Variants in NLGN1 observed in about 807,000 individuals in gnomAD.
NLGN1 encodes the protein neuroligin 1.
A neutral mutation model predicts 65.5 loss-of-function variants in NLGN1; 12 were observed. The observed-to-expected ratio is 0.18, with a 90% CI of 0.12 to 0.30. The LOEUF (loss-of-function observed/expected upper bound fraction) is 0.30, where lower values mean the gene tolerates loss of function less well. Ranked by LOEUF, NLGN1 falls within the 10% of genes least tolerant of loss-of-function variation. NLGN1 has a pLI of 1.00. For missense variants in NLGN1, 750 were observed against 1,007.1 expected (o/e 0.74, Z 3.46); for synonymous variants, 350 against 359.5 (o/e 0.97, Z 0.30).
At chr3:173,539,617 T>C (rs1560405603) in intron 2 of NLGN1, among the ~76,000 whole-genome samples, 3 of 56,600 alleles carry the variant, frequency 5.3e-5, no homozygotes, top group South Asian at 6.5e-4. Flanking sequence ...TGTTATATAT[T>C]ATATATTTAT....
intron 2 of NLGN1, among the ~76,000 whole-genome samples, chr3:173,533,998 G>A (rs1029407897): frequency 3.9e-5 from 6 of 151,974 alleles, no homozygotes; most frequent in Non-Finnish European, 8.8e-5. Context: ...AGAAAAGAAA[G>A]GCTTTGGAAC....
At chr3:173,967,098 G>C (rs1393895029) in intron 4 of NLGN1, among the ~76,000 whole-genome samples, 1 of 152,218 alleles carries the variant, frequency 6.6e-6, no homozygotes, top group East Asian at 1.9e-4. Context: ...CAAGCTCACT[G>C]AAATTCAGAT....
chr3:173,957,596 C>T (rs561811817), intron 4 of NLGN1, among the ~76,000 whole-genome samples: 7 of 152,250 alleles, frequency 4.6e-5, no homozygotes, highest in African/African-American at 9.6e-5. Context: ...ACAATCATTT[C>T]GAGAGATATC....
chr3:173,732,135 A>C (rs1444412751), intron 3 of NLGN1, among the ~76,000 whole-genome samples: 6 of 152,106 alleles, frequency 3.9e-5, no homozygotes, highest in Non-Finnish European at 2.9e-5. Flanking sequence ...TAAATGCCCC[A>C]GTAGGACATC....
chr3:173,814,759 G>A (rs914688355), intron 4 of NLGN1, among the ~76,000 whole-genome samples: 1 of 152,112 alleles, frequency 6.6e-6, no homozygotes, highest in African/African-American at 2.4e-5. Flanking sequence ...AGATATATGT[G>A]AACCTTGCTA....
At chr3:174,212,140 T>C (rs7632616) in intron 4 of NLGN1, among the ~76,000 whole-genome samples, 112,817 of 152,116 alleles carry the variant, frequency 0.74, 41,880 homozygotes, top group East Asian at 0.8. Flanking sequence ...TAAGGCCCGG[T>C]GAGAAATGGA....
chr3:173,522,726 C>T (rs1277258039), intron 2 of NLGN1, among the ~76,000 whole-genome samples: 1 of 152,162 alleles, frequency 6.6e-6, no homozygotes, highest in East Asian at 1.9e-4. Context: ...AGCCACCCTG[C>T]CTGGCCATTG....
intron 4 of NLGN1, among the ~76,000 whole-genome samples, chr3:174,041,006 A>G (rs140483199): frequency 6.6e-6 from 1 of 152,216 alleles, no homozygotes; most frequent in African/African-American, 2.4e-5. Flanking sequence ...AAATATACAT[A>G]TATATGTGTA....
intron 4 of NLGN1, among the ~76,000 whole-genome samples, chr3:173,820,199 A>C (rs1365275050): frequency 6.6e-6 from 1 of 152,038 alleles, no homozygotes; most frequent in East Asian, 1.9e-4. Flanking sequence ...AAAAAAAAAA[A>C]AAAACGAGAA....
intron 3 of NLGN1, among the ~76,000 whole-genome samples, chr3:173,682,680 C>G (rs1764115525): frequency 6.6e-6 from 1 of 151,102 alleles, no homozygotes; most frequent in Non-Finnish European, 1.5e-5. Flanking sequence ...ACCCATTATG[C>G]CTGAGGTTGG....
chr3:173,531,564 TACAC>T (rs147720926), intron 2 of NLGN1, among the ~76,000 whole-genome samples: 34 of 148,140 alleles, frequency 2.3e-4, no homozygotes, highest in African/African-American at 7.7e-4. Context: ...CTGTGTGAAA[TACAC>T]ACACACACAC....
chr3:173,492,599 A>C lies in NLGN1; in HGVS notation c.-321+57521A>C, dbSNP rs187010828. ...GTGGCTCATGCTTCTATTTAATTAA[A>C]TTATTACAAGATTAGAATACAATAA... is the stretch of plus-strand genomic sequence containing the variant. On this transcript the variant is annotated intron_variant, in intron 2 of 6. Transcript: ENST00000457714. 5.2e-4 allele frequency among the ~76,000 whole-genome samples: 79 copies of C among 152,000 alleles called. 1 individual carries two copies. In the East Asian group the frequency reaches 0.013, roughly 25 times the overall value.
rs79060922 is a variant in NLGN1, at chr3:173,585,526, C to T, written c.-320-18753C>T. 0.01 allele frequency among the ~76,000 whole-genome samples: 1,553 copies of T among 152,222 alleles called. 40 individuals carry two copies. The East Asian group carries it at 0.11, about 10-fold the overall frequency. On this transcript the variant is annotated intron_variant, in intron 2 of 6. Coordinates refer to ENST00000457714, the Ensembl canonical transcript of NLGN1. The stretch of plus-strand genomic sequence containing the variant: ...CTTCCCGCTTCCCGCTTCTCTCAAC[C>T]GGACACTAAAGGGTTACAGGGTCAC...
At chr3:173,450,107 G>C (rs945758155) in intron 2 of NLGN1, among the ~76,000 whole-genome samples, 10 of 152,166 alleles carry the variant, frequency 6.6e-5, no homozygotes, top group Admixed American at 6.5e-4. Context: ...CTGTCATTCT[G>C]ATGTTAGCTG....
chr3:173,542,292 C>T (rs568625143), intron 2 of NLGN1, among the ~76,000 whole-genome samples: 1 of 152,060 alleles, frequency 6.6e-6, no homozygotes, highest in African/African-American at 2.4e-5. Context: ...TGCAGATCTT[C>T]TCTAAATATA....
intron 3 of NLGN1, among the ~76,000 whole-genome samples, chr3:173,669,310 G>T (rs368745060): frequency 1.3e-5 from 2 of 152,230 alleles, no homozygotes; most frequent in South Asian, 4.1e-4. Context: ...CCACAAACTG[G>T]GTGGCTTAGA....
chr3:173,410,371 A>G lies in NLGN1; in HGVS notation c.-390+11884A>G, dbSNP rs111369329. On this transcript the variant is annotated intron_variant, in intron 1 of 6. Transcript: ENST00000457714. ...ATAGCCATTTATCACGTATTTCCTA[A>G]GCACTGGGTGGGACATGGTGCTAGG... 5.5e-3 allele frequency among the ~76,000 whole-genome samples: 837 copies of G among 152,330 alleles called. 15 individuals are homozygous for G. The highest frequency in any genetic ancestry group is 0.019 in the African/African-American group (787 of 41,566).
rs369412229 is a variant in NLGN1 at position 173,593,265 on chromosome 3, G to T, written c.-320-11014G>T. On this transcript the variant is annotated intron_variant, in intron 2 of 6. Transcript: ENST00000457714. ...GATTCAAGGGTACATGTGCAGATTTGTTATATAGGTCAACTTGTGTCATGG... is the reference window on the plus strand; with the variant it reads ...GATTCAAGGGTACATGTGCAGATTTTTTATATAGGTCAACTTGTGTCATGG... 9.2e-5 allele frequency among the ~76,000 whole-genome samples: 14 copies of T among 152,240 alleles called. No individual in the cohort carries two copies. The South Asian group carries it at 2.9e-3, about 32-fold the overall frequency.
intron 3 of NLGN1, among the ~76,000 whole-genome samples, chr3:173,617,779 A>G (rs929389042): frequency 1.1e-4 from 16 of 152,200 alleles, no homozygotes; most frequent in South Asian, 2.1e-4. Context: ...GATGCCGACA[A>G]TGCATTTGTG....
Sources: allele counts gnomAD v4.1 joint callset (sites outside exome capture counted in the v4.1 genomes callset), GRCh38; gene constraint gnomAD v4.1.1; transcripts MANE v1.5; gene names NCBI Gene and HGNC (gene_info 2026-07-23, HGNC 2026-07-21).